UTS2R: variants seen among roughly 807,000 people sequenced by gnomAD.
The protein encoded by UTS2R is urotensin-2 receptor.
For synonymous variants in UTS2R, 335 were observed against 280.9 expected, an observed-to-expected ratio of 1.19 and a Z score of -1.93; for missense variants, 653 against 562.2, an observed-to-expected ratio of 1.16 and a Z score of -1.63.
chr17:82,374,117 G>A (rs2052468608), intron 2 of UTS2R, 126 bp from the exon 3 acceptor site: 2 of 561,856 alleles, frequency 3.6e-6, no homozygotes, highest in Admixed American at 6.4e-5. Context: ...TGCAGAGCTG[G>A]TGGCTTCCAG....
At position 82,374,330 on chromosome 17, in the gene UTS2R, G is replaced by A. The variant is rs1184648485; in HGVS notation, c.6G>A (p.Ala2=). 17 of 1,567,442 alleles carry A rather than the reference G, an allele frequency of 1.1e-5. No homozygotes were observed. Among genetic ancestry groups the A allele is most frequent in the Admixed American group, 1.8e-5 (1 of 56,832 alleles). ...CCCGTCGTGAGGGGTCAGAGATGGC[G>A]CTGACCCCCGAGTCCCCGAGCAGCT... M[A]LTPESPSSFP... is the part of the protein sequence containing the mutation. The change falls in exon 3 of 3, where the codon GCG becomes GCA. Residue 2 remains alanine, a synonymous_variant. Transcript: ENST00000313135.
Position 82,372,577 on chromosome 17 carries a change from T to A in UTS2R, c.-268-21T>A, listed in dbSNP as rs551533276. Among the ~76,000 whole-genome samples the A allele has an allele frequency of 1.1e-4, 16 of 152,226 alleles. No individual in the cohort carries two copies. In the East Asian group the frequency reaches 3.1e-3, roughly 29 times the overall value. ...GCGTGGCTCGTGGAATCAGGCAGCC[T>A]CCTGTGTCTTGTTTCTTCAGCCCAC... On this transcript the variant is annotated intron_variant, in intron 1 of 2. Transcript: ENST00000313135.
chr17:82,374,369 CG>C lies in UTS2R; in HGVS notation c.46del (p.Ala16ProfsTer117). 2 of 1,586,196 alleles carry C rather than the reference CG, an allele frequency of 1.3e-6. No homozygotes were observed. Among genetic ancestry groups the C allele is most frequent in the Non-Finnish European group, 1.7e-6 (2 of 1,173,318 alleles). On this transcript the variant is annotated frameshift_variant, in exon 3 of 3. Transcript: ENST00000313135. LOFTEE classifies it low-confidence loss of function (END_TRUNC). ...CCCCGAGCAGCTTCCCTGGGCTGGC[CG>C]CCACTGGCAGCTCTGTGCCGGAGCC... ...ESPSSFPGLA[A>X]TGSSVPEPPG...
chr17:82,373,234 T>C (rs895532614), intron 2 of UTS2R, among the ~76,000 whole-genome samples: 2 of 152,138 alleles, frequency 1.3e-5, no homozygotes, highest in Non-Finnish European at 2.9e-5. Flanking sequence ...CAATCTTGGC[T>C]CACTGCAACT....
rs369444967 is a variant in UTS2R, at chr17:82,374,586, G to C, written c.262G>C (p.Val88Leu). ...RSLRAVASMYVYVVNLALADL... is the reference protein window; with the variant it reads ...RSLRAVASMYLYVVNLALADL... ...CCTGCGTGCGGTGGCCTCCATGTAC[G>C]TCTACGTGGTCAACCTGGCGCTGGC... Residue 88 changes from valine (V) to leucine (L), a missense_variant, in exon 3 of 3, where the codon GTC becomes CTC. Physicochemically the swap from Val to Leu is conservative, Grantham distance 32. Transcript: ENST00000313135. The C allele has an allele frequency of 6.2e-7, 1 of 1,605,012 alleles. No individual in the cohort carries two copies.
rs1020760667 is a variant in UTS2R, at chr17:82,375,309, C to T, written c.985C>T (p.Arg329Cys). Residue 329 changes from arginine to cysteine, a missense_variant, in exon 3 of 3, where the codon CGC becomes TGC. Physicochemically the swap from Arg to Cys is radical, Grantham distance 180 (BLOSUM62 -3). Transcript: ENST00000313135. ...TRNYRDHLRG[R>C]VRGPGSGGGR... ...GAACTACCGCGACCACCTGCGCGGC[C>T]GCGTGCGGGGCCCGGGCAGCGGGGG... The T allele has an allele frequency of 5.2e-6, 8 of 1,547,254 alleles. No individual in the cohort carries two copies. Among genetic ancestry groups the T allele is most frequent in the East Asian group, 2.5e-5 (1 of 40,004 alleles).
In UTS2R at chr17:82,374,782, T is replaced by TGCGGCCGCTGGACACCGTGCA. The variant is rs751210801; in HGVS notation, c.462_482dup (p.Leu156_Pro162dup). The TGCGGCCGCTGGACACCGTGCA allele has an allele frequency of 1.3e-6, 2 of 1,597,662 alleles. No individual in the cohort carries two copies. Among genetic ancestry groups the TGCGGCCGCTGGACACCGTGCA allele is most frequent in the African/African-American group, 1.3e-5 (1 of 74,920 alleles). ...AGCAGCGAGCGCTACGCTGCGGTGC[T>TGCGGCCGCTGGACACCGTGCA]GCGGCCGCTGGACACCGTGCAGCGC... On this transcript the variant is annotated inframe_insertion, in exon 3 of 3. Coordinates refer to ENST00000313135, the MANE Select transcript of UTS2R (RefSeq NM_018949.3).
Position 82,375,257 on chromosome 17 carries a change from C to T in UTS2R, c.933C>T (p.Asn311=). 6.3e-7 allele frequency: 1 copy of T among 1,578,840 alleles called. No individual in the cohort carries two copies. The highest frequency in any genetic ancestry group is 8.6e-7 in the Non-Finnish European group (1 of 1,163,820). The change falls in exon 3 of 3, where the codon AAC becomes AAT. Residue 311 remains asparagine (N), a synonymous_variant. Transcript: ENST00000313135. Reference sequence around the variant, plus strand: ...TCACCTACGGCAACAGCTGCGCCAACCCCTTCCTCTACACGCTGCTCACCA... The same window carrying T: ...TCACCTACGGCAACAGCTGCGCCAATCCCTTCCTCTACACGCTGCTCACCA... ...TCLTYGNSCA[N]PFLYTLLTRN...
At position 82,376,583 on chromosome 17, in the gene UTS2R, G is replaced by C. The variant is rs1231968350; in HGVS notation, c.*1089G>C. Among the ~76,000 whole-genome samples the C allele has an allele frequency of 6.6e-6, 1 of 152,228 alleles. No individual in the cohort carries two copies. Among genetic ancestry groups the C allele is most frequent in the Non-Finnish European group, 1.5e-5 (1 of 68,030 alleles). ...GGACTGTGGCCGGCGTCAGGAATAA[G>C]CATGCAGCGCTCTCCCCAGGGCCTC... On this transcript the variant is annotated 3_prime_UTR_variant, in exon 3 of 3. Transcript: ENST00000313135.
chr17:82,375,016 A>G lies in UTS2R; in HGVS notation c.692A>G (p.Tyr231Cys), dbSNP rs1201984642. 2.9e-6 allele frequency: 4 copies of G among 1,366,610 alleles called. No individual in the cohort carries two copies. The highest frequency in any genetic ancestry group is 1.5e-5 in the African/African-American group (1 of 65,976). The allele number at this position is 1,366,610 out of a possible 1,614,324, so 84.7% of individuals were successfully genotyped here. A position where few individuals can be genotyped will look rare whatever the true frequency, so the allele number is the denominator to read the frequency against. ...CCCGGGCTGCTCATCGGGCTGCTCT[A>G]CGCGCGCCTGGCCCGCGCCTACCGC... ...AGPGLLIGLL[Y>C]ARLARAYRRS... The change falls in exon 3 of 3, where the codon TAC becomes TGC. Residue 231 changes from tyrosine to cysteine, a missense_variant. Transcript: ENST00000313135.
chr17:82,374,018 C>G (rs539912026), intron 2 of UTS2R, among the ~76,000 whole-genome samples: 1 of 116,504 alleles, frequency 8.6e-6, no homozygotes, highest in African/African-American at 3.3e-5. Flanking sequence ...ATGGGACCTA[C>G]AGTGAGGGGG....
At chr17:82,372,898 C>G (rs11077991) in intron 2 of UTS2R, among the ~76,000 whole-genome samples, 115 bp downstream of exon 2, 31,334 of 152,152 alleles carry the variant, frequency 0.21, 3,629 homozygotes, top group Non-Finnish European at 0.26. Context: ...CAACAGGAAA[C>G]GGCAGGGCCA....
chr17:82,374,315 G>C lies in UTS2R; in HGVS notation c.-10G>C. 2 of 1,546,802 alleles carry C rather than the reference G, an allele frequency of 1.3e-6. No homozygotes were observed. Among genetic ancestry groups the C allele is most frequent in the Non-Finnish European group, 1.7e-6 (2 of 1,153,892 alleles). On this transcript the variant is annotated 5_prime_UTR_variant, in exon 3 of 3. Coordinates refer to ENST00000313135, the MANE Select transcript of UTS2R (RefSeq NM_018949.3). The stretch of plus-strand genomic sequence containing the variant: ...CCACCCAGCCCTGAGCCCGTCGTGA[G>C]GGGTCAGAGATGGCGCTGACCCCCG...
chr17:82,373,271 C>T (rs1313787888), intron 2 of UTS2R, among the ~76,000 whole-genome samples: 4 of 152,144 alleles, frequency 2.6e-5, no homozygotes, highest in African/African-American at 9.7e-5. Flanking sequence ...AAACAATTCT[C>T]CTGCCTCAGC....
Position 82,374,901 on chromosome 17 carries a change from C to G in UTS2R, c.577C>G (p.Arg193Gly), listed in dbSNP as rs749541027. Residue 193 changes from arginine (R) to glycine (G), a missense_variant, in exon 3 of 3, where the codon CGG becomes GGG. By Grantham distance (125) the Arg-to-Gly change is moderately radical (BLOSUM62 -2). Transcript: ENST00000313135. ...PVMLAMRLVR[R>G]GPKSLCLPAW... ...GATGCTGGCCATGCGGCTGGTGCGC[C>G]GGGGTCCCAAGAGCCTGTGCCTGCC... The G allele has an allele frequency of 8.2e-7, 1 of 1,219,268 alleles. No homozygotes were observed. Among genetic ancestry groups the G allele is most frequent in the Non-Finnish European group, 1.2e-6 (1 of 855,910 alleles). The allele number at this position is 1,219,268 out of a possible 1,614,324, so 75.5% of individuals were successfully genotyped here.
rs755986013 is a variant in UTS2R at position 82,374,994 on chromosome 17, G to A, written c.670G>A (p.Gly224Arg). 7.8e-7 allele frequency: 1 copy of A among 1,275,890 alleles called. No homozygotes were observed. The highest frequency in any genetic ancestry group is 2.0e-5 in the Admixed American group (1 of 49,902). 79.0% of individuals were successfully genotyped at this position (1,275,890 alleles called of 1,614,324 possible). The change falls in exon 3 of 3, where the codon GGG becomes AGG. Residue 224 changes from glycine to arginine, a missense_variant. Physicochemically the swap from Gly to Arg is moderately radical, Grantham distance 125. Coordinates refer to ENST00000313135, the MANE Select transcript of UTS2R (RefSeq NM_018949.3). ...LLFATSIAGPGLLIGLLYARL... is the reference protein window; with the variant it reads ...LLFATSIAGPRLLIGLLYARL... ...CTTCGCCACCAGCATCGCGGGGCCC[G>A]GGCTGCTCATCGGGCTGCTCTACGC...
At position 82,374,579 on chromosome 17, in the gene UTS2R, C is replaced by A; in HGVS notation, c.255C>A (p.Ser85=). Residue 85 remains serine, a synonymous_variant, in exon 3 of 3, where the codon TCC becomes TCA. Coordinates refer to ENST00000313135, the MANE Select transcript of UTS2R (RefSeq NM_018949.3). The part of the protein sequence containing the change: ...VTCRSLRAVA[S]MYVYVVNLAL... ...GCCGCTCCCTGCGTGCGGTGGCCTCCATGTACGTCTACGTGGTCAACCTGG... is the reference window on the plus strand; with the variant it reads ...GCCGCTCCCTGCGTGCGGTGGCCTCAATGTACGTCTACGTGGTCAACCTGG... 6.2e-7 allele frequency: 1 copy of A among 1,602,856 alleles called. No individual in the cohort carries two copies. Among genetic ancestry groups the A allele is most frequent in the East Asian group, 2.3e-5 (1 of 44,344 alleles).
Position 82,374,603 on chromosome 17 carries a change from G to C in UTS2R, c.279G>C (p.Leu93=), listed in dbSNP as rs1444389998. 1 of 1,609,240 alleles carries C rather than the reference G, an allele frequency of 6.2e-7. No individual in the cohort carries two copies. Among genetic ancestry groups the C allele is most frequent in the African/African-American group, 1.3e-5 (1 of 74,886 alleles). Reference sequence around the variant, plus strand: ...CCATGTACGTCTACGTGGTCAACCTGGCGCTGGCCGACCTGCTGTACCTGC... The same window carrying C: ...CCATGTACGTCTACGTGGTCAACCTCGCGCTGGCCGACCTGCTGTACCTGC... The part of the protein sequence containing the change: ...VASMYVYVVN[L]ALADLLYLLS... Residue 93 remains leucine, a synonymous_variant, in exon 3 of 3, where the codon CTG becomes CTC. Transcript: ENST00000313135.
At chr17:82,372,241 A>G (rs376733742) in intron 1 of UTS2R, among the ~76,000 whole-genome samples, 194 bp downstream of exon 1, 101 of 152,186 alleles carry the variant, frequency 6.6e-4, no homozygotes, top group African/African-American at 2.2e-3. Flanking sequence ...ACCCTGGAGC[A>G]ATCCTAGCGG....
Sources: allele counts gnomAD v4.1 joint callset (sites outside exome capture counted in the v4.1 genomes callset), GRCh38; gene constraint gnomAD v4.1.1; transcripts MANE v1.5; gene names NCBI Gene and HGNC (gene_info 2026-07-23, HGNC 2026-07-21).